Variants in GPC6 observed in about 807,000 individuals in gnomAD.
The protein encoded by GPC6 is glypican-6.
In GPC6, 14 loss-of-function variants were observed where a neutral mutation model predicts 55.2. The observed-to-expected ratio is 0.25, with a 90% confidence interval of 0.17 to 0.40. The LOEUF (loss-of-function observed/expected upper bound fraction) is 0.40. Ranked by LOEUF, GPC6 falls within the 10% of genes least tolerant of loss-of-function variation. GPC6 has a pLI of 1.00. For missense variants in GPC6, 641 were observed against 708.5 expected (o/e 0.90, Z 1.08); for synonymous variants, 278 against 259.6 (o/e 1.07, Z -0.68).
At chr13:93,637,658 G>C (rs1457630473) in intron 2 of GPC6, among the ~76,000 whole-genome samples, 1 of 152,056 alleles carries the variant, frequency 6.6e-6, no homozygotes, top group South Asian at 2.1e-4. Flanking sequence ...TTAACCATGG[G>C]AATCTTATGT....
At chr13:93,457,833 T>TAA (rs142486530) in intron 1 of GPC6, among the ~76,000 whole-genome samples, 1 of 149,654 alleles carries the variant, frequency 6.7e-6, no homozygotes, top group South Asian at 2.1e-4. Flanking sequence ...CGATCAATAT[T>TAA]AAAAAAAAAA....
In GPC6 at chr13:93,858,110, G is replaced by T. The variant is rs568584349; in HGVS notation, c.711+27565G>T. Among the ~76,000 whole-genome samples, 316 of 151,516 alleles carry T rather than the reference G, an allele frequency of 2.1e-3. 1 individual carries two copies. The highest frequency in any genetic ancestry group is 3.4e-3 in the Non-Finnish European group (229 of 67,658). On this transcript the variant is annotated intron_variant, in intron 3 of 8. Coordinates refer to ENST00000377047, the MANE Select transcript of GPC6 (RefSeq NM_005708.5). ...ATATTAATTATAATGTAAATGCATTGGTTGTCTACCACTTAACAGTTTGAC... is the reference window on the plus strand; with the variant it reads ...ATATTAATTATAATGTAAATGCATTTGTTGTCTACCACTTAACAGTTTGAC...
Position 94,241,449 on chromosome 13 carries a change from G to T in GPC6, c.878-44900G>T, listed in dbSNP as rs186884234. Among the ~76,000 whole-genome samples, 3 of 152,106 alleles carry T rather than the reference G, an allele frequency of 2.0e-5. No individual in the cohort carries two copies. The East Asian group carries it at 5.8e-4, about 29-fold the overall frequency. ...CCTCCATGAGACTGATGATCTTATG[G>T]GACTCATTATACATATTTTCACATT... On this transcript the variant is annotated intron_variant, in intron 4 of 8. Coordinates refer to ENST00000377047, the MANE Select transcript of GPC6 (RefSeq NM_005708.5).
At chr13:93,900,521 C>G (rs1171898180) in intron 3 of GPC6, among the ~76,000 whole-genome samples, 1 of 152,142 alleles carries the variant, frequency 6.6e-6, no homozygotes, top group East Asian at 1.9e-4. Context: ...TTTTACAACT[C>G]TTACATAAAG....
chr13:93,344,292 A>G (rs1880360368), intron 1 of GPC6, among the ~76,000 whole-genome samples: 1 of 152,210 alleles, frequency 6.6e-6, no homozygotes, highest in Non-Finnish European at 1.5e-5. Context: ...GGGCAGGGCC[A>G]GAAGAGGCCA....
chr13:93,871,752 C>T (rs188770247), intron 3 of GPC6, among the ~76,000 whole-genome samples: 64 of 151,986 alleles, frequency 4.2e-4, no homozygotes, highest in African/African-American at 1.5e-3. Context: ...GTCACCATTA[C>T]CAGTACAAGG....
intron 6 of GPC6, among the ~76,000 whole-genome samples, chr13:94,336,262 G>C (rs766701902): frequency 2.0e-5 from 3 of 152,100 alleles, no homozygotes; most frequent in Non-Finnish European, 4.4e-5. Flanking sequence ...CCATATAACT[G>C]CCTTAGTACA....
intron 1 of GPC6, among the ~76,000 whole-genome samples, chr13:93,352,882 T>G (rs1880681208): frequency 6.6e-6 from 1 of 152,032 alleles, no homozygotes; most frequent in Non-Finnish European, 1.5e-5. Context: ...AGAGATAAAA[T>G]CAAGAAGACA....
At chr13:94,303,515 T>A (rs1363745364) in intron 5 of GPC6, among the ~76,000 whole-genome samples, 2 of 152,154 alleles carry the variant, frequency 1.3e-5, no homozygotes, top group African/African-American at 4.8e-5. Context: ...TCTAAGGGTA[T>A]GATAGGATCT....
intron 4 of GPC6, among the ~76,000 whole-genome samples, chr13:94,277,629 A>G (rs1350933808): frequency 4.6e-5 from 7 of 152,156 alleles, no homozygotes; most frequent in Non-Finnish European, 4.4e-5. Flanking sequence ...GAAGGGGTCC[A>G]GTTTCAGTTT....
intron 2 of GPC6, among the ~76,000 whole-genome samples, chr13:93,625,048 A>G (rs1879145402): frequency 1.3e-5 from 2 of 152,194 alleles, no homozygotes; most frequent in Admixed American, 1.3e-4. Flanking sequence ...CTATGCTCCG[A>G]ATTTTCATTA....
intron 1 of GPC6, among the ~76,000 whole-genome samples, chr13:93,438,063 A>G (rs2139284101): frequency 6.6e-6 from 1 of 152,288 alleles, no homozygotes; most frequent in South Asian, 2.1e-4. Flanking sequence ...TTGACAGTGC[A>G]CCTGTTTACA....
chr13:94,337,448 T>C (rs1339874615), intron 6 of GPC6, among the ~76,000 whole-genome samples: 1 of 72,736 alleles, frequency 1.4e-5, no homozygotes, highest in African/African-American at 4.7e-5. Context: ...ATTTTTTTTC[T>C]TTTTTTTTTC....
chr13:94,189,577 C>T (rs1317150661), intron 4 of GPC6, among the ~76,000 whole-genome samples: 1 of 152,176 alleles, frequency 6.6e-6, no homozygotes, highest in Non-Finnish European at 1.5e-5. Flanking sequence ...TAGGACACCT[C>T]TAGATTGTTA....
intron 3 of GPC6, among the ~76,000 whole-genome samples, chr13:93,989,588 C>T (rs1294194389): frequency 1.3e-5 from 2 of 152,152 alleles, no homozygotes; most frequent in African/African-American, 4.8e-5. Flanking sequence ...CTTTCACCCA[C>T]CTCACCTATG....
At chr13:93,874,413 T>G (rs542153845) in intron 3 of GPC6, among the ~76,000 whole-genome samples, 1 of 151,972 alleles carries the variant, frequency 6.6e-6, no homozygotes, top group South Asian at 2.1e-4. Flanking sequence ...CATTCCGTGG[T>G]GTATATGTAC....
At chr13:93,262,451 C>A (rs1423003684) in intron 1 of GPC6, among the ~76,000 whole-genome samples, 1 of 152,114 alleles carries the variant, frequency 6.6e-6, no homozygotes, top group African/African-American at 2.4e-5. Context: ...GTGACAAATC[C>A]TTCCACATGT....
intron 2 of GPC6, among the ~76,000 whole-genome samples, chr13:93,755,546 C>G (rs911027012): frequency 6.6e-6 from 1 of 152,110 alleles, no homozygotes; most frequent in Non-Finnish European, 1.5e-5. Context: ...AAGACAGATG[C>G]CCTAGGGAGA....
intron 4 of GPC6, among the ~76,000 whole-genome samples, chr13:94,051,290 C>T (rs907458100): frequency 7.2e-5 from 11 of 152,152 alleles, no homozygotes; most frequent in African/African-American, 1.7e-4. Flanking sequence ...CAACAGGATT[C>T]TTCAAACCTA....
Sources: gnomAD v4.1 joint callset for allele counts (sites outside exome capture counted in the v4.1 genomes callset) on GRCh38, gnomAD v4.1.1 for gene constraint, MANE v1.5 for transcripts, NCBI Gene and HGNC (gene_info 2026-07-23, HGNC 2026-07-21) for gene names.